The following GABBR2 variants were observed in gnomAD, a reference collection of about 807,000 sequenced individuals.
GABBR2 encodes gamma-aminobutyric acid type B receptor subunit 2, also known as G-protein coupled receptor 51.
A neutral mutation model predicts 105.6 loss-of-function variants in GABBR2; 23 were observed. The observed-to-expected ratio is 0.22, with a 90% CI of 0.16 to 0.31. The LOEUF (loss-of-function observed/expected upper bound fraction) is 0.31, where lower values mean the gene tolerates loss of function less well. GABBR2 is among the 10% of genes least tolerant of loss of function. GABBR2 has a pLI of 1.00. For missense variants in GABBR2, 734 were observed against 1,245.5 expected (o/e 0.59, Z 6.18); for synonymous variants, 478 against 499.7 (o/e 0.96, Z 0.58).
chr9:98,403,746 G>GGA (rs1832439357), intron 8 of GABBR2, among the ~76,000 whole-genome samples: 2 of 131,390 alleles, frequency 1.5e-5, no homozygotes, highest in Non-Finnish European at 3.2e-5. Context: ...TACTTGCTGA[G>GGA]AAAAAAAAAA....
chr9:98,434,791 G>A (rs190604197), intron 7 of GABBR2, among the ~76,000 whole-genome samples: 3 of 152,282 alleles, frequency 2.0e-5, no homozygotes, highest in Non-Finnish European at 2.9e-5. Context: ...AAGTGGCTGC[G>A]GGCATGGAGA....
At chr9:98,501,719 T>C (rs1435338203) in intron 3 of GABBR2, among the ~76,000 whole-genome samples, 1 of 152,146 alleles carries the variant, frequency 6.6e-6, no homozygotes, top group Non-Finnish European at 1.5e-5. Context: ...GTGAGACCAA[T>C]GACTCCTCAG....
intron 3 of GABBR2, among the ~76,000 whole-genome samples, chr9:98,499,582 T>C (rs367861253): frequency 9.2e-5 from 14 of 152,232 alleles, no homozygotes; most frequent in African/African-American, 3.4e-4. Context: ...TAAATGGCAT[T>C]TTAAAGTGAC....
intron 1 of GABBR2, among the ~76,000 whole-genome samples, chr9:98,647,404 G>T (rs756198152): frequency 6.6e-6 from 1 of 152,238 alleles, no homozygotes; most frequent in African/African-American, 2.4e-5. Flanking sequence ...CAGGAAATGC[G>T]CAGGTGGCTG....
intron 14 of GABBR2, among the ~76,000 whole-genome samples, chr9:98,307,138 C>T (rs1234183418): frequency 6.6e-6 from 1 of 152,174 alleles, no homozygotes; most frequent in Non-Finnish European, 1.5e-5. Context: ...AGACTGCTTA[C>T]CTCTGGACTA....
chr9:98,456,270 A>G (rs62574625), intron 6 of GABBR2, among the ~76,000 whole-genome samples: 4,732 of 152,296 alleles, frequency 0.031, 83 homozygotes, highest in African/African-American at 0.047. Context: ...GGCTTTGCAC[A>G]AGCTGTTTCT....
chr9:98,339,326 C>T (rs1831170692), intron 13 of GABBR2, among the ~76,000 whole-genome samples: 1 of 151,796 alleles, frequency 6.6e-6, no homozygotes, highest in African/African-American at 2.4e-5. Context: ...AAAGATCCCT[C>T]TGTCTGCCAG....
intron 3 of GABBR2, among the ~76,000 whole-genome samples, chr9:98,499,871 G>A (rs986135238): frequency 2.0e-5 from 3 of 152,212 alleles, no homozygotes; most frequent in African/African-American, 7.2e-5. Context: ...GGCCAACATG[G>A]TGAAACCCCG....
intron 3 of GABBR2, among the ~76,000 whole-genome samples, chr9:98,524,213 C>G (rs1295359873): frequency 2.0e-5 from 3 of 152,108 alleles, no homozygotes; most frequent in Admixed American, 2.0e-4. Context: ...CATAGACACA[C>G]CTTTTTATTT....
chr9:98,496,175 C>T (rs1247281032), intron 4 of GABBR2: 1 of 549,010 alleles, frequency 1.8e-6, no homozygotes, highest in Non-Finnish European at 3.3e-6. Context: ...GATATAAAAC[C>T]ATCAGGAAAG....
chr9:98,294,067 C>A (rs1474242758), intron 17 of GABBR2, among the ~76,000 whole-genome samples, 165 bp from the exon 18 acceptor site: 3 of 152,140 alleles, frequency 2.0e-5, no homozygotes, highest in Non-Finnish European at 4.4e-5. Context: ...CTCCCGGGAC[C>A]AAGGCGGTGA....
In GABBR2 at chr9:98,678,406, C is replaced by T. The variant is rs117233834; in HGVS notation, c.321+30011G>A. On this transcript the variant is annotated intron_variant, in intron 1 of 18. Coordinates refer to ENST00000259455, the MANE Select transcript of GABBR2 (RefSeq NM_005458.8). ...CAAACATATAGAATGCGCCCCAACG[C>T]GGTGGCACCTTTCCTGCGAGGTGCT... Among the ~76,000 whole-genome samples, 484 of 152,310 alleles carry T rather than the reference C, an allele frequency of 3.2e-3. 10 individuals carry two copies. In the East Asian group the frequency reaches 0.039, roughly 12 times the overall value.
intron 1 of GABBR2, among the ~76,000 whole-genome samples, chr9:98,655,923 G>A (rs1288700027): frequency 6.6e-6 from 1 of 152,094 alleles, no homozygotes; most frequent in Non-Finnish European, 1.5e-5. Flanking sequence ...ACCATGGCAG[G>A]TGTATACCTA....
At chr9:98,455,757 GGCCAAGAA>G (rs1261865156) in intron 6 of GABBR2, among the ~76,000 whole-genome samples, 2 of 152,228 alleles carry the variant, frequency 1.3e-5, no homozygotes, top group Non-Finnish European at 2.9e-5. Context: ...AGCCCACCGG[GGCCAAGAA>G]GCCAAGTCTC....
At chr9:98,467,485 G>T (rs369703516) in intron 6 of GABBR2, among the ~76,000 whole-genome samples, 1 of 152,302 alleles carries the variant, frequency 6.6e-6, no homozygotes, top group East Asian at 1.9e-4. Flanking sequence ...GGAGAGAGCA[G>T]CGCTGTGAAG....
intron 1 of GABBR2, among the ~76,000 whole-genome samples, chr9:98,614,640 T>C (rs998146866): frequency 6.6e-6 from 1 of 152,186 alleles, no homozygotes; most frequent in African/African-American, 2.4e-5. Context: ...AAAAATACTA[T>C]AGATTGTTTA....
chr9:98,536,448 G>A (rs1828183069), intron 3 of GABBR2, among the ~76,000 whole-genome samples: 1 of 152,166 alleles, frequency 6.6e-6, no homozygotes, highest in African/African-American at 2.4e-5. Context: ...GGATGGTTGG[G>A]TAGACCATAA....
At chr9:98,518,159 G>T (rs188162591) in intron 3 of GABBR2, among the ~76,000 whole-genome samples, 3 of 152,248 alleles carry the variant, frequency 2.0e-5, no homozygotes, top group East Asian at 3.9e-4. Context: ...CCCTCCCCTT[G>T]TCCTCCAGAG....
intron 5 of GABBR2, among the ~76,000 whole-genome samples, chr9:98,475,010 T>C (rs1588181468): frequency 6.6e-6 from 1 of 152,102 alleles, no homozygotes; most frequent in African/African-American, 2.4e-5. Flanking sequence ...TCTCCATCCA[T>C]TGGTTCGGCA....
Sources: gnomAD v4.1 joint callset for allele counts (sites outside exome capture counted in the v4.1 genomes callset) on GRCh38, gnomAD v4.1.1 for gene constraint, MANE v1.5 for transcripts, NCBI Gene and HGNC (gene_info 2026-07-23, HGNC 2026-07-21) for gene names.